The following ZNRF1 variants were observed in gnomAD, a reference collection of about 807,000 sequenced individuals.
ZNRF1 encodes the protein zinc and ring finger 1, also known as E3 ubiquitin-protein ligase ZNRF1.
ZNRF1 carries 3 observed loss-of-function variants against 18.4 expected under a neutral mutation model. That is an observed-to-expected ratio of 0.16 (90% CI 0.07 to 0.42). The LOEUF (loss-of-function observed/expected upper bound fraction) is 0.42, where lower values mean the gene tolerates loss of function less well. ZNRF1 is among the 10% of genes least tolerant of loss of function. The pLI, the probability that ZNRF1 is intolerant of heterozygous loss-of-function variation, is 0.99. For synonymous variants in ZNRF1, 157 were observed against 144.2 expected (o/e 1.09, Z -0.64); for missense variants, 310 against 329.8 (o/e 0.94, Z 0.47).
chr16:75,077,799 G>A (rs73614090), intron 1 of ZNRF1, among the ~76,000 whole-genome samples: 3,226 of 152,216 alleles, frequency 0.021, 139 homozygotes, highest in African/African-American at 0.074. Flanking sequence ...GCTTTCCTTG[G>A]CTCATGGTCC....
At chr16:75,050,870 C>CAAAA (rs1165011147) in intron 1 of ZNRF1, among the ~76,000 whole-genome samples, 155 of 9,226 alleles carry the variant, frequency 0.017, 32 homozygotes, top group African/African-American at 0.024. Context: ...GACTCCGTCT[C>CAAAA]AAAAAAAAAA....
intron 2 of ZNRF1, among the ~76,000 whole-genome samples, chr16:75,093,932 C>G (rs1454856611): frequency 6.6e-6 from 1 of 152,218 alleles, no homozygotes; most frequent in Non-Finnish European, 1.5e-5. Context: ...AGTTAGGCCC[C>G]TGCCTCTCTG....
chr16:75,008,505 G>A (rs1379679416), intron 1 of ZNRF1, among the ~76,000 whole-genome samples: 1 of 152,182 alleles, frequency 6.6e-6, no homozygotes, highest in Non-Finnish European at 1.5e-5. Context: ...GACAAGTCAA[G>A]AGCTTAGGAT....
intron 1 of ZNRF1, among the ~76,000 whole-genome samples, chr16:75,086,747 AG>A (rs2036079398): frequency 1.3e-5 from 2 of 152,218 alleles, no homozygotes; most frequent in Admixed American, 6.5e-5. Flanking sequence ...CTGAATGCTA[AG>A]GGCAAAGTCA....
At chr16:75,073,158 C>CTCTGTCTT (rs1274505862) in intron 1 of ZNRF1, among the ~76,000 whole-genome samples, 3 of 150,998 alleles carry the variant, frequency 2.0e-5, no homozygotes, top group Admixed American at 2.0e-4. Context: ...CTCTCTGTCT[C>CTCTGTCTT]TCTGTCTATA....
At chr16:75,041,069 A>G (rs2035441715) in intron 1 of ZNRF1, among the ~76,000 whole-genome samples, 1 of 152,170 alleles carries the variant, frequency 6.6e-6, no homozygotes, top group African/African-American at 2.4e-5. Flanking sequence ...CTAGCTTAAG[A>G]CAATTATGAA....
intron 2 of ZNRF1, among the ~76,000 whole-genome samples, chr16:75,101,698 G>A (rs2036257179): frequency 6.6e-6 from 1 of 152,208 alleles, no homozygotes; most frequent in Non-Finnish European, 1.5e-5. Context: ...CCTTATCAGG[G>A]TTTTTAACTA....
chr16:75,046,917 T>C (rs573495783), intron 1 of ZNRF1: 2 of 154,020 alleles, frequency 1.3e-5, no homozygotes, highest in Non-Finnish European at 2.9e-5. Context: ...AAAAATAATA[T>C]AGTGATCATC....
At chr16:75,070,977 C>G (rs2035863322) in intron 1 of ZNRF1, among the ~76,000 whole-genome samples, 1 of 152,178 alleles carries the variant, frequency 6.6e-6, no homozygotes. Flanking sequence ...CCTACAACAA[C>G]TATTTATTAT....
At chr16:75,052,218 G>A (rs2035615448) in intron 1 of ZNRF1, among the ~76,000 whole-genome samples, 1 of 152,000 alleles carries the variant, frequency 6.6e-6, no homozygotes, top group Non-Finnish European at 1.5e-5. Flanking sequence ...GGGCAACATG[G>A]TGAAACCCCA....
chr16:75,095,012 C>T (rs2036181238), intron 2 of ZNRF1: 1 of 152,222 alleles, frequency 6.6e-6, no homozygotes, highest in African/African-American at 2.4e-5. Context: ...TCCTCACTCC[C>T]AGAGGGCTCT....
chr16:75,058,551 T>C (rs1343014112), intron 1 of ZNRF1, among the ~76,000 whole-genome samples: 2 of 152,224 alleles, frequency 1.3e-5, no homozygotes, highest in African/African-American at 4.8e-5. Flanking sequence ...ACAACTACTC[T>C]AGACCAGAAA....
chr16:75,065,250 C>T (rs2035788343), intron 1 of ZNRF1, among the ~76,000 whole-genome samples: 1 of 152,196 alleles, frequency 6.6e-6, no homozygotes, highest in Non-Finnish European at 1.5e-5. Flanking sequence ...ATCACCCAAC[C>T]CCGAGGTGCC....
At chr16:75,078,233 C>G (rs920374691) in intron 1 of ZNRF1, among the ~76,000 whole-genome samples, 31 of 149,888 alleles carry the variant, frequency 2.1e-4, no homozygotes, top group African/African-American at 7.6e-4. Context: ...GCCCAGATCT[C>G]TGTTTTTCCA....
Position 75,031,787 on chromosome 16 carries a change from C to T in ZNRF1, c.424+31692C>T, listed in dbSNP as rs372989128. Among the ~76,000 whole-genome samples the T allele has an allele frequency of 3.9e-5, 6 of 152,242 alleles. No homozygotes were observed. The South Asian group carries it at 1.2e-3, about 32-fold the overall frequency. On this transcript the variant is annotated intron_variant, in intron 1 of 4. Transcript: ENST00000335325. ...AAAGTGTTGGAATTACAGGCGTGAG[C>T]CACCACACCCGGCTATATATACCTA...
chr16:75,043,790 C>CTTTTTTTTTTTTTTTTTTTTTTTTT (rs59324869), intron 1 of ZNRF1, among the ~76,000 whole-genome samples: 1 of 75,190 alleles, frequency 1.3e-5, no homozygotes, highest in Non-Finnish European at 2.6e-5. Flanking sequence ...TTGCTTTGTA[C>CTTTTTTTTTTTTTTTTTTTTTTTTT]TTTTTTTTTT....
At chr16:75,069,180 A>G (rs1301722815) in intron 1 of ZNRF1, among the ~76,000 whole-genome samples, 2 of 152,176 alleles carry the variant, frequency 1.3e-5, no homozygotes, top group Admixed American at 1.3e-4. Context: ...AGAAAAGAAA[A>G]AAAAAAGGAA....
intron 1 of ZNRF1, among the ~76,000 whole-genome samples, chr16:75,071,355 C>T (rs2035867853): frequency 8.5e-5 from 13 of 152,142 alleles, no homozygotes; most frequent in Admixed American, 8.5e-4. Flanking sequence ...CCACCTTGGC[C>T]TCCCAATTAC....
intron 1 of ZNRF1, among the ~76,000 whole-genome samples, chr16:75,018,685 G>T (rs180671358): frequency 6.6e-6 from 1 of 152,104 alleles, no homozygotes; most frequent in Non-Finnish European, 1.5e-5. Flanking sequence ...TAAATGATTT[G>T]AATTATGTTA....
Sources: allele counts gnomAD v4.1 joint callset (sites outside exome capture counted in the v4.1 genomes callset), GRCh38; gene constraint gnomAD v4.1.1; transcripts MANE v1.5; gene names NCBI Gene and HGNC (gene_info 2026-07-23, HGNC 2026-07-21).